The following SLC24A5 variants were observed in gnomAD, a reference collection of about 807,000 sequenced individuals.
The protein encoded by SLC24A5 is sodium/potassium/calcium exchanger 5.
A neutral mutation model predicts 51.6 loss-of-function variants in SLC24A5; 46 were observed. The observed-to-expected ratio is 0.89, with a 90% confidence interval of 0.70 to 1.14. SLC24A5 has a LOEUF of 1.14. Ranked by LOEUF, SLC24A5 falls within the 50% of genes most tolerant of loss-of-function variation. The probability of loss-of-function intolerance (pLI) is 0.00; values close to 1 mark genes in which losing one functional copy is unlikely to be tolerated. For synonymous variants in SLC24A5, 230 were observed against 214.9 expected, an observed-to-expected ratio of 1.07 and a Z score of -0.62; for missense variants, 581 against 604.1, an observed-to-expected ratio of 0.96 and a Z score of 0.40.
Position 48,134,304 on chromosome 15 carries a change from G to T in SLC24A5, c.348G>T (p.Ala116=), listed in dbSNP as rs749544443. 2 of 1,613,414 alleles carry T rather than the reference G, an allele frequency of 1.2e-6. No homozygotes were observed. The highest frequency in any genetic ancestry group is 1.7e-6 in the Non-Finnish European group (2 of 1,179,634). Residue 116 remains alanine, a synonymous_variant, in exon 3 of 9, where the codon GCG becomes GCT. Transcript: ENST00000341459. ...QDVAGTTFMA[A]GSSAPELVTA... ...TTGCAGGCACAACTTTCATGGCAGC[G>T]GGCAGTTCAGCTCCTGAATTAGTTA...
At chr15:48,128,017 A>G (rs1212084554) in intron 2 of SLC24A5, among the ~76,000 whole-genome samples, 1 of 151,452 alleles carries the variant, frequency 6.6e-6, no homozygotes, top group Non-Finnish European at 1.5e-5. Context: ...AATATAAACT[A>G]TATTCATTTA....
intron 2 of SLC24A5, among the ~76,000 whole-genome samples, chr15:48,132,437 G>A (rs2038799674): frequency 6.6e-6 from 1 of 152,062 alleles, no homozygotes; most frequent in Non-Finnish European, 1.5e-5. Context: ...TGTGAGAGCA[G>A]GAATATTTGT....
chr15:48,121,022 G>A lies in SLC24A5; in HGVS notation c.-23G>A, dbSNP rs186074139. 5.0e-6 allele frequency: 8 copies of A among 1,609,968 alleles called. No individual in the cohort carries two copies. In the African/African-American group the frequency reaches 6.7e-5, roughly 13 times the overall value. On this transcript the variant is annotated 5_prime_UTR_variant, in exon 1 of 9. Transcript: ENST00000341459. ...CTCTTCTCCCTTCCTGAAGCTGCAC[G>A]CTGCAGTAAGAGCACAGCAGAAATG...
At position 48,140,966 on chromosome 15, in the gene SLC24A5, T is replaced by TA; in HGVS notation, c.1079-141dup. 3 of 569,700 alleles carry TA rather than the reference T, an allele frequency of 5.3e-6. 1 individual carries two copies. In the African/African-American group the frequency reaches 5.7e-5, roughly 11 times the overall value. 35.3% of individuals were successfully genotyped at this position (569,700 alleles called of 1,614,324 possible). A position where few individuals can be genotyped will look rare whatever the true frequency, so the allele number is the denominator to read the frequency against. On this transcript the variant is annotated intron_variant, in intron 7 of 8. Transcript: ENST00000341459. ...AGCCTGATTCAAATATGTTGCTAGCTAAAAAACTAATAAGCAAGCACATAT... is the reference window on the plus strand; with the variant it reads ...AGCCTGATTCAAATATGTTGCTAGCTAAAAAAACTAATAAGCAAGCACATAT...
intron 2 of SLC24A5, among the ~76,000 whole-genome samples, chr15:48,127,011 C>T (rs144562056): frequency 6.0e-3 from 907 of 152,312 alleles, no homozygotes; most frequent in Middle Eastern, 0.01. Flanking sequence ...TAGTGCCACA[C>T]TCTTATAGAG....
At chr15:48,139,775 A>T (rs1169329581) in intron 7 of SLC24A5, 1 of 152,166 alleles carries the variant, frequency 6.6e-6, no homozygotes, top group Non-Finnish European at 1.5e-5. Flanking sequence ...AACTATGAAC[A>T]AAGACAAAAA....
intron 2 of SLC24A5, chr15:48,124,820 A>T (rs1211740790): frequency 1.3e-5 from 2 of 152,160 alleles, no homozygotes; most frequent in African/African-American, 4.8e-5. Context: ...CAGATGTGTG[A>T]TTGATGAATA....
chr15:48,124,295 A>AT (rs1341720196), intron 2 of SLC24A5: 2 of 152,012 alleles, frequency 1.3e-5, no homozygotes, highest in Non-Finnish European at 2.9e-5. Context: ...TTGCTATAGG[A>AT]TGTAATGTTC....
At chr15:48,137,201 A>G in intron 6 of SLC24A5, 1 of 431,710 alleles carries the variant, frequency 2.3e-6, no homozygotes, top group Non-Finnish European at 4.1e-6. Context: ...ACTGTGGTTC[A>G]CAAATGGGAC....
In SLC24A5 at chr15:48,132,046, C is replaced by A. The variant is rs573616932; in HGVS notation, c.302-2212C>A. ...CATCTTTCAAAATGAAAGCCAAAGT[C>A]CTTATTAGGATCCACAAGACCTTAC... is the stretch of plus-strand genomic sequence containing the variant. On this transcript the variant is annotated intron_variant, in intron 2 of 8. Transcript: ENST00000341459. Among the ~76,000 whole-genome samples, 3 of 152,196 alleles carry A rather than the reference C, an allele frequency of 2.0e-5. No homozygotes were observed. In the South Asian group the frequency reaches 6.2e-4, roughly 32 times the overall value.
At chr15:48,139,440 A>G (rs1459765993) in intron 7 of SLC24A5, 2 of 271,974 alleles carry the variant, frequency 7.4e-6, no homozygotes, top group Non-Finnish European at 1.4e-5. Flanking sequence ...AATTCATAGG[A>G]TGTCTTTTTA....
At chr15:48,140,980 G>T (rs925123476) in intron 7 of SLC24A5, 133 bp from the exon 8 acceptor site, 2 of 645,058 alleles carry the variant, frequency 3.1e-6, no homozygotes, top group Admixed American at 2.9e-5. Context: ...AAACTAATAA[G>T]CAAGCACATA....
chr15:48,137,262 A>G (rs1464026962), intron 6 of SLC24A5: 5 of 283,724 alleles, frequency 1.8e-5, no homozygotes, highest in African/African-American at 6.6e-5. Flanking sequence ...CAGAGAAGGG[A>G]GCATTTAAAT....
rs771715227 is a variant in SLC24A5 at position 48,120,997 on chromosome 15, C to T, written c.-48C>T. ...CCTCACATGATCCAGTTTAATCCTC[C>T]TCTTCTCCCTTCCTGAAGCTGCACG... is the stretch of plus-strand genomic sequence containing the variant. On this transcript the variant is annotated 5_prime_UTR_variant, in exon 1 of 9. Transcript: ENST00000341459. The T allele has an allele frequency of 6.3e-7, 1 of 1,593,836 alleles. No individual in the cohort carries two copies. Among genetic ancestry groups the T allele is most frequent in the Non-Finnish European group, 8.6e-7 (1 of 1,169,410 alleles).
intron 7 of SLC24A5, chr15:48,139,691 C>G (rs2039002659): frequency 6.6e-6 from 1 of 152,314 alleles, no homozygotes; most frequent in African/African-American, 2.4e-5. Flanking sequence ...TTCTAGGTTT[C>G]TACTACCTTC....
intron 4 of SLC24A5, 91 bp from the exon 5 acceptor site, chr15:48,134,793 C>T: frequency 9.7e-7 from 1 of 1,029,354 alleles, no homozygotes; most frequent in Non-Finnish European, 1.4e-6. Flanking sequence ...CAATATTTAA[C>T]TACAAATATA....
intron 2 of SLC24A5, 112 bp from the exon 3 acceptor site, chr15:48,134,146 A>G: frequency 1.2e-6 from 1 of 861,790 alleles, no homozygotes; most frequent in Non-Finnish European, 1.9e-6. Flanking sequence ...TTATTTTTCT[A>G]GTTTAATAGT....
Position 48,142,435 on chromosome 15 carries a change from T to A in SLC24A5, c.*84T>A. ...CCATTTCTTCATTTAAATCAAATTT[T>A]AAAAATCTTGAACCTTAGAATCTAA... On this transcript the variant is annotated 3_prime_UTR_variant, in exon 9 of 9. Coordinates refer to ENST00000341459, the MANE Select transcript of SLC24A5 (RefSeq NM_205850.3). The A allele has an allele frequency of 9.2e-7, 1 of 1,091,912 alleles. No individual in the cohort carries two copies. The highest frequency in any genetic ancestry group is 1.3e-6 in the Non-Finnish European group (1 of 794,180). 67.6% of individuals were successfully genotyped at this position (1,091,912 alleles called of 1,614,324 possible).
Position 48,141,167 on chromosome 15 carries a change from G to C in SLC24A5, c.1133G>C (p.Gly378Ala), listed in dbSNP as rs1286678075. Residue 378 changes from glycine to alanine, a missense_variant, in exon 8 of 9, where the codon GGA becomes GCA. Gly to Ala is a moderately conservative substitution (Grantham distance 60). Transcript: ENST00000341459. ...TVMGLTLLAA[G>A]TSIPDTIASV... ...ATGGGCCTTACTTTATTAGCAGCAG[G>C]AACAAGCATACCAGACACAATTGCA... 1 of 1,613,898 alleles carries C rather than the reference G, an allele frequency of 6.2e-7. No individual in the cohort carries two copies.
Sources: allele counts gnomAD v4.1 joint callset (sites outside exome capture counted in the v4.1 genomes callset), GRCh38; gene constraint gnomAD v4.1.1; transcripts MANE v1.5; gene names NCBI Gene and HGNC (gene_info 2026-07-23, HGNC 2026-07-21).